PCCA: variants seen among roughly 807,000 people sequenced by gnomAD.
The protein encoded by PCCA is propionyl-CoA carboxylase alpha chain, mitochondrial.
PCCA carries 74 observed loss-of-function variants against 101.3 expected under a neutral mutation model. The ratio of observed to expected loss-of-function variants is 0.73; its 90% confidence interval spans 0.61 to 0.89. PCCA has a LOEUF of 0.89. Ranked by LOEUF, PCCA falls within the 40% of genes least tolerant of loss-of-function variation. PCCA has a pLI of 0.00. For synonymous variants in PCCA, 294 were observed against 313.6 expected (o/e 0.94, Z 0.66); for missense variants, 891 against 907.0 (o/e 0.98, Z 0.23).
At chr13:100,462,623 T>C (rs1192041273) in intron 21 of PCCA, among the ~76,000 whole-genome samples, 1 of 152,204 alleles carries the variant, frequency 6.6e-6, no homozygotes, top group East Asian at 1.9e-4. Flanking sequence ...TTGCATTTTA[T>C]TTGTCAAGTA....
At chr13:100,463,632 G>C (rs2152945440) in intron 21 of PCCA, among the ~76,000 whole-genome samples, 1 of 152,236 alleles carries the variant, frequency 6.6e-6, no homozygotes, top group Non-Finnish European at 1.5e-5. Flanking sequence ...GGTCTGGAGA[G>C]CAAGAAGAAG....
At chr13:100,117,083 C>G (rs896513879) in intron 4 of PCCA, among the ~76,000 whole-genome samples, 3 of 152,100 alleles carry the variant, frequency 2.0e-5, no homozygotes, top group African/African-American at 7.2e-5. Context: ...GGTCAGGGTG[C>G]TTTTGTGTCC....
intron 18 of PCCA, among the ~76,000 whole-genome samples, chr13:100,359,672 C>T (rs2074349365): frequency 6.6e-6 from 1 of 152,168 alleles, no homozygotes; most frequent in South Asian, 2.1e-4. Context: ...CTTTCCACAC[C>T]TTAATTGGTT....
chr13:100,502,133 C>T (rs1019891639), intron 21 of PCCA, among the ~76,000 whole-genome samples: 3 of 152,142 alleles, frequency 2.0e-5, no homozygotes, highest in Admixed American at 2.0e-4. Context: ...GTTCCCTTTA[C>T]AAACCTATTT....
chr13:100,252,412 C>G (rs1386815624), intron 8 of PCCA, among the ~76,000 whole-genome samples: 2 of 152,134 alleles, frequency 1.3e-5, no homozygotes, highest in Non-Finnish European at 2.9e-5. Flanking sequence ...CTAAGAAATA[C>G]TTTTCTTTTC....
intron 11 of PCCA, among the ~76,000 whole-genome samples, chr13:100,271,006 C>T (rs980263706): frequency 6.6e-6 from 1 of 151,972 alleles, no homozygotes; most frequent in African/African-American, 2.4e-5. Context: ...AGACCCTGTT[C>T]TCCCCCACCC....
chr13:100,112,076 G>C lies in PCCA; in HGVS notation c.300+15G>C. On this transcript the variant is annotated intron_variant, in intron 4 of 23. Transcript: ENST00000376285. The stretch of plus-strand genomic sequence containing the variant: ...ATGCTAGTTCTGTAAGTATATTTTT[G>C]CTTTGTTTAAATCAGGACTTAATTT... 1 of 1,601,334 alleles carries C rather than the reference G, an allele frequency of 6.2e-7. No homozygotes were observed. The highest frequency in any genetic ancestry group is 8.5e-7 in the Non-Finnish European group (1 of 1,170,418).
chr13:100,205,106 T>A (rs1012627182), intron 6 of PCCA, among the ~76,000 whole-genome samples: 12 of 152,210 alleles, frequency 7.9e-5, no homozygotes, highest in Non-Finnish European at 1.5e-5. Context: ...ATTTAGTTGC[T>A]ATTGCATAAC....
intron 21 of PCCA, among the ~76,000 whole-genome samples, chr13:100,513,631 T>G (rs1045459695): frequency 6.6e-6 from 1 of 152,250 alleles, no homozygotes; most frequent in Non-Finnish European, 1.5e-5. Context: ...TAAACTTAGT[T>G]TTTGGAGTAT....
intron 6 of PCCA, among the ~76,000 whole-genome samples, chr13:100,175,359 G>A (rs1259228278): frequency 6.6e-6 from 1 of 152,128 alleles, no homozygotes; most frequent in Non-Finnish European, 1.5e-5. Flanking sequence ...GCAAATCTTA[G>A]CCACATGTCT....
chr13:100,440,209 T>TATATATAA (rs1348343858), intron 20 of PCCA, among the ~76,000 whole-genome samples: 3 of 107,466 alleles, frequency 2.8e-5, no homozygotes, highest in Non-Finnish European at 5.4e-5. Context: ...TATATATATA[T>TATATATAA]AAAACGTGAT....
At chr13:100,146,341 C>G (rs988851725) in intron 4 of PCCA, among the ~76,000 whole-genome samples, 1 of 151,808 alleles carries the variant, frequency 6.6e-6, no homozygotes. Context: ...CTTTGGGAGG[C>G]CGAGGCAGAC....
In PCCA at chr13:100,457,344, C is replaced by T. The variant is rs370119709; in HGVS notation, c.1899+8039C>T. 2.0e-5 allele frequency among the ~76,000 whole-genome samples: 3 copies of T among 152,060 alleles called. No homozygotes were observed. In the East Asian group the frequency reaches 5.8e-4, roughly 29 times the overall value. On this transcript the variant is annotated intron_variant, in intron 21 of 23. Transcript: ENST00000376285. Reference sequence around the variant, plus strand: ...GACTATGAGCTATGAATGGAAGTGACTGTCAATGACTCTGAAGGTTCTGAG... The same window carrying T: ...GACTATGAGCTATGAATGGAAGTGATTGTCAATGACTCTGAAGGTTCTGAG...
intron 12 of PCCA, among the ~76,000 whole-genome samples, chr13:100,292,281 T>C (rs566547838): frequency 6.6e-6 from 1 of 152,364 alleles, no homozygotes; most frequent in Admixed American, 6.5e-5. Flanking sequence ...TCATTGTTTT[T>C]GTTAATTGCA....
At chr13:100,396,608 C>G (rs1451127267) in intron 19 of PCCA, among the ~76,000 whole-genome samples, 4 of 152,032 alleles carry the variant, frequency 2.6e-5, no homozygotes, top group Non-Finnish European at 5.9e-5. Context: ...GCTAGGCGTT[C>G]GAGGTTAGCC....
chr13:100,430,813 T>C (rs2079496646), intron 20 of PCCA, among the ~76,000 whole-genome samples: 1 of 152,174 alleles, frequency 6.6e-6, no homozygotes. Flanking sequence ...TGTGTGGCTG[T>C]ACCAGCTTAT....
chr13:100,229,357 G>A lies in PCCA; in HGVS notation c.601-6485G>A, dbSNP rs569730044. Among the ~76,000 whole-genome samples the A allele has an allele frequency of 2.3e-3, 343 of 152,276 alleles. 1 individual carries two copies. The highest frequency in any genetic ancestry group is 0.017 in the Middle Eastern group (5 of 294). On this transcript the variant is annotated intron_variant, in intron 7 of 23. Coordinates refer to ENST00000376285, the MANE Select transcript of PCCA (RefSeq NM_000282.4). ...AAGACTTTCCTCCCCATCTAATTAG[G>A]AATAAATAGTAACTTCTCTTAGAAG...
chr13:100,386,767 A>T lies in PCCA; in HGVS notation c.1746+18193A>T, dbSNP rs547669501. The stretch of plus-strand genomic sequence containing the variant: ...GTGTGTTTGTGCTTGTGATATCCAC[A>T]GAATATCTTTGGAAGGAGCCACAAG... On this transcript the variant is annotated intron_variant, in intron 19 of 23. Coordinates refer to ENST00000376285, the MANE Select transcript of PCCA (RefSeq NM_000282.4). Among the ~76,000 whole-genome samples, 36 of 152,328 alleles carry T rather than the reference A, an allele frequency of 2.4e-4. No individual in the cohort carries two copies. The South Asian group carries it at 7.2e-3, about 31-fold the overall frequency.
intron 19 of PCCA, among the ~76,000 whole-genome samples, chr13:100,409,293 C>T (rs926662809): frequency 6.6e-6 from 1 of 152,196 alleles, no homozygotes. Context: ...CTCACTGCTT[C>T]TTGAGCCCCA....
Sources: gnomAD v4.1 joint callset for allele counts (sites outside exome capture counted in the v4.1 genomes callset) on GRCh38, gnomAD v4.1.1 for gene constraint, MANE v1.5 for transcripts, NCBI Gene and HGNC (gene_info 2026-07-23, HGNC 2026-07-21) for gene names.